Variants in ICA1L observed in about 807,000 individuals in gnomAD.
ICA1L encodes islet cell autoantigen 1 like.
A neutral mutation model predicts 61.3 loss-of-function variants in ICA1L; 50 were observed. That is an observed-to-expected ratio of 0.82 (90% CI 0.65 to 1.03). The LOEUF (loss-of-function observed/expected upper bound fraction) is 1.03. Ranked by LOEUF, ICA1L falls within the 50% of genes least tolerant of loss-of-function variation. The pLI is 0.00. For missense variants in ICA1L, 508 were observed against 556.7 expected (o/e 0.91, Z 0.88); for synonymous variants, 161 against 191.3 (o/e 0.84, Z 1.31).
At chr2:202,817,387 G>T in intron 6 of ICA1L, 31 bp downstream of exon 6, 1 of 1,516,354 alleles carries the variant, frequency 6.6e-7, no homozygotes, top group Non-Finnish European at 8.9e-7. Context: ...CATCTTTACT[G>T]CAAGGATATG....
At chr2:202,829,867 T>C (rs1433919734) in intron 1 of ICA1L, among the ~76,000 whole-genome samples, 1 of 152,236 alleles carries the variant, frequency 6.6e-6, no homozygotes. Context: ...AACTTGTACA[T>C]ACATCTTTAC....
chr2:202,852,514 C>CA (rs1313926601), intron 1 of ICA1L, among the ~76,000 whole-genome samples: 2 of 151,086 alleles, frequency 1.3e-5, no homozygotes, highest in Admixed American at 6.6e-5. Flanking sequence ...ACTAAAAACA[C>CA]AAAAAAATTA....
intron 1 of ICA1L, chr2:202,860,309 T>TAATAATAATAATAAAAAA (rs1308145629): frequency 6.7e-6 from 1 of 148,618 alleles, no homozygotes; most frequent in African/African-American, 2.5e-5. Context: ...ATAATAATAA[T>TAATAATAATAATAAAAAA]AAATGGGAAA....
intron 1 of ICA1L, among the ~76,000 whole-genome samples, chr2:202,850,310 C>G (rs1413606291): frequency 6.6e-6 from 1 of 152,164 alleles, no homozygotes; most frequent in African/African-American, 2.4e-5. Flanking sequence ...CAGAAGTAGG[C>G]TTCAGAAGGT....
chr2:202,845,036 A>G (rs1694430074), intron 1 of ICA1L, among the ~76,000 whole-genome samples: 1 of 152,122 alleles, frequency 6.6e-6, no homozygotes, highest in Admixed American at 6.5e-5. Flanking sequence ...CTCTAATTCT[A>G]TATGTCATCA....
intron 9 of ICA1L, among the ~76,000 whole-genome samples, chr2:202,805,221 A>G (rs1360478245): frequency 6.6e-6 from 1 of 152,194 alleles, no homozygotes; most frequent in Non-Finnish European, 1.5e-5. Context: ...GATTATTGCA[A>G]ATGGGCATAA....
intron 12 of ICA1L, among the ~76,000 whole-genome samples, chr2:202,782,263 T>G (rs1199290314): frequency 1.3e-5 from 2 of 152,082 alleles, no homozygotes; most frequent in Non-Finnish European, 2.9e-5. Flanking sequence ...GAGAATTGCT[T>G]GAACCCGGGA....
chr2:202,862,951 C>T (rs1462574376), intron 1 of ICA1L, among the ~76,000 whole-genome samples: 1 of 151,720 alleles, frequency 6.6e-6, no homozygotes, highest in East Asian at 1.9e-4. Context: ...TTGTGGAATT[C>T]AACTAAAGCA....
intron 1 of ICA1L, among the ~76,000 whole-genome samples, chr2:202,845,732 A>G (rs970168351): frequency 6.6e-6 from 1 of 152,190 alleles, no homozygotes; most frequent in Non-Finnish European, 1.5e-5. Context: ...AATAAAACAA[A>G]TCAATAATCT....
At chr2:202,866,168 C>T (rs1687505848) in intron 1 of ICA1L, among the ~76,000 whole-genome samples, 1 of 152,154 alleles carries the variant, frequency 6.6e-6, no homozygotes, top group Non-Finnish European at 1.5e-5. Flanking sequence ...CATGTGATCC[C>T]TAATATTGGA....
chr2:202,819,928 G>A (rs369392512), intron 4 of ICA1L, 29 bp from the exon 5 acceptor site: 44 of 1,525,904 alleles, frequency 2.9e-5, no homozygotes, highest in South Asian at 1.2e-4. Context: ...AAATCAGAGG[G>A]TTGAACACAT....
At chr2:202,832,519 A>G (rs2105863353) in intron 1 of ICA1L, among the ~76,000 whole-genome samples, 1 of 152,206 alleles carries the variant, frequency 6.6e-6, no homozygotes, top group African/African-American at 2.4e-5. Flanking sequence ...ATATACACAG[A>G]CTTAAAGTAG....
rs180800068 is a variant in ICA1L, at chr2:202,794,436, T to C, written c.985+2454A>G. Among the ~76,000 whole-genome samples, 21 of 151,982 alleles carry C rather than the reference T, an allele frequency of 1.4e-4. 1 individual carries two copies. The highest frequency in any genetic ancestry group is 5.1e-4 in the African/African-American group (21 of 41,468). ...TGGATGCTTCCTTAACATCATGAAATTATCTGTGTCCAAAGCCAGCATCTT... is the reference window on the plus strand; with the variant it reads ...TGGATGCTTCCTTAACATCATGAAACTATCTGTGTCCAAAGCCAGCATCTT... On this transcript the variant is annotated intron_variant, in intron 10 of 12. Transcript: ENST00000358299.
intron 9 of ICA1L, among the ~76,000 whole-genome samples, chr2:202,805,992 T>TA (rs1693213524): frequency 6.6e-6 from 1 of 152,220 alleles, no homozygotes; most frequent in African/African-American, 2.4e-5. Flanking sequence ...AACGGTCTCT[T>TA]ACATTGTTTC....
chr2:202,793,712 T>C (rs1232277686), intron 10 of ICA1L, among the ~76,000 whole-genome samples: 2 of 147,366 alleles, frequency 1.4e-5, no homozygotes, highest in Non-Finnish European at 3.0e-5. Context: ...AAGAGCCAGG[T>C]GTGGTGGCTC....
intron 12 of ICA1L, among the ~76,000 whole-genome samples, chr2:202,780,715 G>T (rs1692375807): frequency 6.6e-6 from 1 of 152,182 alleles, no homozygotes; most frequent in Non-Finnish European, 1.5e-5. Flanking sequence ...GGGATCCAGA[G>T]CCCAAGGATC....
At chr2:202,842,493 C>A (rs939677743) in intron 1 of ICA1L, among the ~76,000 whole-genome samples, 4 of 152,158 alleles carry the variant, frequency 2.6e-5, no homozygotes, top group African/African-American at 4.8e-5. Context: ...TCTCTACTGG[C>A]CTGTAGGTTT....
chr2:202,792,338 A>T (rs954066877), intron 10 of ICA1L, among the ~76,000 whole-genome samples: 1 of 152,206 alleles, frequency 6.6e-6, no homozygotes, highest in African/African-American at 2.4e-5. Context: ...ACTCCTGGGA[A>T]TCTAACCAAG....
intron 1 of ICA1L, chr2:202,870,523 T>C (rs1687671038): frequency 6.6e-6 from 1 of 152,202 alleles, no homozygotes. Context: ...TAAAAATACA[T>C]ACATACCATT....
Sources: gnomAD v4.1 joint callset for allele counts (sites outside exome capture counted in the v4.1 genomes callset) on GRCh38, gnomAD v4.1.1 for gene constraint, MANE v1.5 for transcripts, NCBI Gene and HGNC (gene_info 2026-07-23, HGNC 2026-07-21) for gene names.